The following PDS5A variants were observed in gnomAD, a reference collection of about 807,000 sequenced individuals.
The protein encoded by PDS5A is PDS5 cohesin associated factor A.
PDS5A carries 42 observed loss-of-function variants against 167.1 expected under a neutral mutation model. That is an observed-to-expected ratio of 0.25 (90% CI 0.20 to 0.33). The LOEUF (loss-of-function observed/expected upper bound fraction) is 0.33. Among genes scored for constraint, PDS5A ranks in the 10% least tolerant of loss-of-function variants. The pLI, the probability that PDS5A is intolerant of heterozygous loss-of-function variation, is 1.00. For synonymous variants in PDS5A, 553 were observed against 554.6 expected, an observed-to-expected ratio of 1.00 and a Z score of 0.04; for missense variants, 1,033 against 1,605.9, an observed-to-expected ratio of 0.64 and a Z score of 6.10.
At chr4:39,905,163 A>C (rs1045770682) in intron 11 of PDS5A, among the ~76,000 whole-genome samples, 1 of 152,168 alleles carries the variant, frequency 6.6e-6, no homozygotes, top group African/African-American at 2.4e-5. Flanking sequence ...CTAGGAGTTG[A>C]GCTGGCTGAC....
intron 26 of PDS5A, 38 bp downstream of exon 26, chr4:39,862,181 C>A: frequency 1.3e-6 from 1 of 791,258 alleles, no homozygotes; most frequent in Non-Finnish European, 1.9e-6. Context: ...GAAAACTAAA[C>A]ATAATTTTTA....
chr4:39,855,430 C>T (rs560436957), intron 26 of PDS5A, among the ~76,000 whole-genome samples: 4 of 152,068 alleles, frequency 2.6e-5, no homozygotes, highest in Admixed American at 6.5e-5. Context: ...CAATTCCTAA[C>T]GAAAAACTAC....
At chr4:39,916,782 C>T (rs1160564290) in intron 8 of PDS5A, among the ~76,000 whole-genome samples, 1 of 151,942 alleles carries the variant, frequency 6.6e-6, no homozygotes, top group African/African-American at 2.4e-5. Flanking sequence ...AGAAGAATCG[C>T]TTGAACCTGG....
At chr4:39,831,874 TCAAAAAAAAA>T (rs1443631249) in intron 32 of PDS5A, among the ~76,000 whole-genome samples, 1 of 15,688 alleles carries the variant, frequency 6.4e-5, no homozygotes, top group African/African-American at 2.1e-4. Context: ...GAAACTCGTC[TCAAAAAAAAA>T]AAAAAAAAAA....
chr4:39,920,297 A>T, intron 7 of PDS5A, 22 bp downstream of exon 7: 1 of 1,026,314 alleles, frequency 9.7e-7, no homozygotes, highest in Non-Finnish European at 1.5e-6. Flanking sequence ...AATATAGAAT[A>T]AACATAGAAA....
At chr4:39,958,119 C>T (rs1355292146) in intron 2 of PDS5A, among the ~76,000 whole-genome samples, 3 of 152,078 alleles carry the variant, frequency 2.0e-5, no homozygotes, top group Non-Finnish European at 2.9e-5. Flanking sequence ...AGCAAACTCC[C>T]GAGCTCAAGT....
chr4:39,869,524 T>C (rs1297547771), intron 21 of PDS5A, 62 bp from the exon 22 acceptor site: 20 of 1,015,892 alleles, frequency 2.0e-5, no homozygotes, highest in Non-Finnish European at 1.5e-6. Flanking sequence ...TTTTTGCTGA[T>C]TAAGTTTTTC....
chr4:39,944,238 A>G (rs529269243), intron 2 of PDS5A, among the ~76,000 whole-genome samples: 1 of 152,186 alleles, frequency 6.6e-6, no homozygotes, highest in Admixed American at 6.6e-5. Flanking sequence ...TAATGTAGGT[A>G]AGAAATGGTT....
intron 22 of PDS5A, among the ~76,000 whole-genome samples, chr4:39,869,153 C>T (rs1314214494): frequency 6.6e-6 from 1 of 152,126 alleles, no homozygotes; most frequent in Non-Finnish European, 1.5e-5. Flanking sequence ...TTAACAAATG[C>T]TTATTAACTA....
At chr4:39,976,732 G>A (rs987397531) in intron 1 of PDS5A, 115 bp from the exon 2 acceptor site, 5 of 518,082 alleles carry the variant, frequency 9.7e-6, no homozygotes, top group South Asian at 7.8e-5. Flanking sequence ...CCGGGGACCC[G>A]GCAGCGGCCT....
chr4:39,890,241 T>C lies in PDS5A; in HGVS notation c.1886+8A>G, dbSNP rs1171984315. On this transcript the variant is annotated splice_region_variant and intron_variant, in intron 17 of 32. Coordinates refer to ENST00000303538, the MANE Select transcript of PDS5A (RefSeq NM_001100399.2). The stretch of plus-strand genomic sequence containing the variant: ...TTTATTTTTGAGCGAATATACTTCT[T>C]GGCTTACCTTATGGCTTCTGAATCA... 2.9e-6 allele frequency: 4 copies of C among 1,397,824 alleles called. No homozygotes were observed. Among genetic ancestry groups the C allele is most frequent in the Non-Finnish European group, 4.0e-6 (4 of 1,008,378 alleles). 86.6% of individuals were successfully genotyped at this position (1,397,824 alleles called of 1,614,324 possible). A position where few individuals can be genotyped will look rare whatever the true frequency, so the allele number is the denominator to read the frequency against.
At position 39,849,566 on chromosome 4, in the gene PDS5A, T is replaced by C. The variant is rs1460109481; in HGVS notation, c.3173A>G (p.Lys1058Arg). 7 of 1,611,714 alleles carry C rather than the reference T, an allele frequency of 4.3e-6. No homozygotes were observed. In the East Asian group the frequency reaches 1.3e-4, roughly 31 times the overall value. Reference sequence around the variant, plus strand: ...TGGAGACTGGGCATCTCTGGTTAACTTGATGTTCTCTGCCATCTTCTTCAT... The same window carrying C: ...TGGAGACTGGGCATCTCTGGTTAACCTGATGTTCTCTGCCATCTTCTTCAT... ...AFMKKMAENI[K>R]LTRDAQSPDE... is the part of the protein sequence containing the mutation. Residue 1058 changes from lysine (K) to arginine (R), a missense_variant, in exon 27 of 33, where the codon AAG becomes AGG. Physicochemically the swap from Lys to Arg is conservative, Grantham distance 26. Coordinates refer to ENST00000303538, the MANE Select transcript of PDS5A (RefSeq NM_001100399.2).
At chr4:39,928,540 T>A (rs1441205151) in intron 2 of PDS5A, among the ~76,000 whole-genome samples, 1 of 152,214 alleles carries the variant, frequency 6.6e-6, no homozygotes. Flanking sequence ...TATTTTATTA[T>A]TAAAGGAGCC....
intron 32 of PDS5A, among the ~76,000 whole-genome samples, chr4:39,834,008 T>C (rs1199372543): frequency 2.0e-5 from 3 of 152,034 alleles, no homozygotes; most frequent in Admixed American, 1.3e-4. Context: ...AGAACTGCAA[T>C]AGGAACTGAA....
intron 21 of PDS5A, among the ~76,000 whole-genome samples, chr4:39,870,307 G>A (rs1415041348): frequency 3.9e-5 from 6 of 152,102 alleles, no homozygotes; most frequent in Non-Finnish European, 8.8e-5. Flanking sequence ...CTGGTAAATA[G>A]CTGACAAAGG....
intron 12 of PDS5A, 113 bp from the exon 13 acceptor site, chr4:39,902,573 A>C (rs1454743748): frequency 3.6e-6 from 2 of 554,812 alleles, no homozygotes; most frequent in Non-Finnish European, 3.2e-6. Context: ...CCCAGGCTGG[A>C]GTACAGTGGT....
At chr4:39,846,728 G>C (rs1307941548) in intron 28 of PDS5A, 1 of 152,076 alleles carries the variant, frequency 6.6e-6, no homozygotes, top group Non-Finnish European at 1.5e-5. Flanking sequence ...AGCAAAACTA[G>C]CTACTAAACT....
intron 13 of PDS5A, 38 bp downstream of exon 13, chr4:39,902,309 C>A: frequency 1.1e-6 from 1 of 923,416 alleles, no homozygotes; most frequent in Non-Finnish European, 1.7e-6. Flanking sequence ...TTTACGAAAT[C>A]CTTAGAAAAT....
chr4:39,928,153 T>A lies in PDS5A; in HGVS notation c.150A>T (p.Lys50Asn). The change falls in exon 3 of 33, where the codon AAA becomes AAT. Residue 50 changes from lysine to asparagine, a missense_variant. By Grantham distance (94) the Lys-to-Asn change is moderately conservative (BLOSUM62 0). This residue lies in a region of PDS5A where 388 missense variants were observed against 615.1 expected (regional missense o/e 0.63). Transcript: ENST00000303538. ...AGTCCTGATCCATATCCATAAAGGTTTTCACTACCATCTGTAAAAATGTAC... is the reference window on the plus strand; with the variant it reads ...AGTCCTGATCCATATCCATAAAGGTATTCACTACCATCTGTAAAAATGTAC... ...EMIKRLKMVV[K>N]TFMDMDQDSE... 1 of 1,603,440 alleles carries A rather than the reference T, an allele frequency of 6.2e-7. No homozygotes were observed. The highest frequency in any genetic ancestry group is 8.5e-7 in the Non-Finnish European group (1 of 1,171,512).
Sources: gnomAD v4.1 joint callset for allele counts (sites outside exome capture counted in the v4.1 genomes callset) on GRCh38, gnomAD v4.1.1 for gene constraint, gnomAD v4.1.1 regional missense constraint, MANE v1.5 for transcripts, NCBI Gene and HGNC (gene_info 2026-07-23, HGNC 2026-07-21) for gene names.